HAVCR2: variants seen among roughly 807,000 people sequenced by gnomAD.
HAVCR2 encodes T cell immunoglobulin mucin 3.
In HAVCR2, 13 loss-of-function variants were observed where a neutral mutation model predicts 24.7. That is an observed-to-expected ratio of 0.53 (90% confidence interval 0.34 to 0.84). The LOEUF is 0.84. Ranked by LOEUF, HAVCR2 falls within the 40% of genes least tolerant of loss-of-function variation. HAVCR2 has a pLI of 0.01. For synonymous variants in HAVCR2, 154 were observed against 143.4 expected, an observed-to-expected ratio of 1.07 and a Z score of -0.53; for missense variants, 343 against 371.2, an observed-to-expected ratio of 0.92 and a Z score of 0.62.
At chr5:157,101,342 T>G (rs1342267590) in intron 3 of HAVCR2, among the ~76,000 whole-genome samples, 1 of 152,138 alleles carries the variant, frequency 6.6e-6, no homozygotes, top group Non-Finnish European at 1.5e-5. Flanking sequence ...GATGGGACAG[T>G]TGAAGGGAGT....
chr5:157,093,067 C>T (rs996703398), intron 5 of HAVCR2, among the ~76,000 whole-genome samples: 4 of 133,450 alleles, frequency 3.0e-5, no homozygotes, highest in African/African-American at 1.1e-4. Flanking sequence ...AAGACTCTGT[C>T]CCAATAATAA....
chr5:157,089,925 G>A lies in HAVCR2; in HGVS notation c.677-948C>T, dbSNP rs73815922. Among the ~76,000 whole-genome samples, 1,171 of 152,108 alleles carry A rather than the reference G, an allele frequency of 7.7e-3. 15 individuals carry two copies. Among genetic ancestry groups the A allele is most frequent in the African/African-American group, 0.027 (1,116 of 41,486 alleles). On this transcript the variant is annotated intron_variant, in intron 5 of 6. Coordinates refer to ENST00000307851, the MANE Select transcript of HAVCR2 (RefSeq NM_032782.5). ...TAGGAAACCTTAGATTTCCTTGAAG[G>A]GCAGAGATGTGATCCTTATTTGTTT...
chr5:157,108,657 T>A (rs1256774325), intron 1 of HAVCR2, among the ~76,000 whole-genome samples: 1 of 152,182 alleles, frequency 6.6e-6, no homozygotes, highest in Non-Finnish European at 1.5e-5. Context: ...CACACACAAA[T>A]AGAAGCCTAA....
At position 157,095,363 on chromosome 5, in the gene HAVCR2, C is replaced by T. The variant is rs1757080407; in HGVS notation, c.619G>A (p.Ala207Thr). ...ATIRIGIYIG[A>T]GICAGLALAL... is the part of the protein sequence containing the mutation. ...AGAGCCAGCCCAGCACAGATCCCTG[C>T]TCCGATGTAGATGCCTATTCTGATG... Residue 207 changes from alanine (A) to threonine (T), a missense_variant, in exon 5 of 7, where the codon GCA becomes ACA. Coordinates refer to ENST00000307851, the MANE Select transcript of HAVCR2 (RefSeq NM_032782.5). The T allele has an allele frequency of 4.3e-6, 7 of 1,614,188 alleles. No homozygotes were observed. In the East Asian group the frequency reaches 1.6e-4, roughly 36 times the overall value.
At chr5:157,089,788 G>C (rs764729074) in intron 5 of HAVCR2, among the ~76,000 whole-genome samples, 1 of 152,098 alleles carries the variant, frequency 6.6e-6, no homozygotes, top group African/African-American at 2.4e-5. Flanking sequence ...AACTGAAAAC[G>C]TGGCTGGATT....
chr5:157,095,947 C>T (rs112863799), intron 4 of HAVCR2, among the ~76,000 whole-genome samples: 2,504 of 152,222 alleles, frequency 0.016, 73 homozygotes, highest in African/African-American at 0.057. Flanking sequence ...GCTCTGAGGC[C>T]GGGCGCGGTG....
At chr5:157,098,820 A>C in intron 4 of HAVCR2, 38 bp downstream of exon 4, 2 of 1,587,038 alleles carry the variant, frequency 1.3e-6, no homozygotes, top group South Asian at 1.1e-5. Flanking sequence ...TTCCCCTCCA[A>C]GTTGAGTACA....
At chr5:157,104,304 C>T (rs1033388713) in intron 3 of HAVCR2, among the ~76,000 whole-genome samples, 1 of 152,144 alleles carries the variant, frequency 6.6e-6, no homozygotes, top group Non-Finnish European at 1.5e-5. Flanking sequence ...TGTGTCAGTT[C>T]CCAAACACAG....
chr5:157,087,031 C>A lies in HAVCR2; in HGVS notation c.*71G>T. 2 of 1,401,612 alleles carry A rather than the reference C, an allele frequency of 1.4e-6. No homozygotes were observed. The highest frequency in any genetic ancestry group is 2.0e-6 in the Non-Finnish European group (2 of 1,005,376). 86.8% of individuals were successfully genotyped at this position (1,401,612 alleles called of 1,614,324 possible). On this transcript the variant is annotated 3_prime_UTR_variant, in exon 7 of 7. Transcript: ENST00000307851. The stretch of plus-strand genomic sequence containing the variant: ...ATAGCAGTGGACAGAACCTCCAAAA[C>A]CAGTCAGGTGACACAGCTCATAGTT...
chr5:157,106,734 G>T lies in HAVCR2; in HGVS notation c.287C>A (p.Thr96Asn), dbSNP rs749196778. ...GDFRKGDVSL[T>N]IENVTLADSG... Reference sequence around the variant, plus strand: ...GTCTGCTAGAGTCACATTCTCTATGGTCAGGGACACATCTCCTTTGCGGAA... The same window carrying T: ...GTCTGCTAGAGTCACATTCTCTATGTTCAGGGACACATCTCCTTTGCGGAA... Residue 96 changes from threonine (T) to asparagine (N), a missense_variant, in exon 2 of 7, where the codon ACC becomes AAC. Thr to Asn is a moderately conservative substitution (Grantham distance 65). Transcript: ENST00000307851. 6.2e-7 allele frequency: 1 copy of T among 1,614,178 alleles called. No homozygotes were observed. The highest frequency in any genetic ancestry group is 1.7e-5 in the Admixed American group (1 of 60,028).
At chr5:157,087,354 T>C in intron 6 of HAVCR2, 60 bp from the exon 7 acceptor site, 2 of 1,432,510 alleles carry the variant, frequency 1.4e-6, no homozygotes, top group Non-Finnish European at 1.9e-6. Flanking sequence ...GGAATAGAGT[T>C]AAGAGAATAG....
At chr5:157,104,606 C>T in intron 3 of HAVCR2, 60 bp downstream of exon 3, 1 of 1,219,800 alleles carries the variant, frequency 8.2e-7, no homozygotes. Context: ...TTCCCACATT[C>T]AAAATCCTCT....
At chr5:157,108,780 T>C in intron 1 of HAVCR2, 146 bp downstream of exon 1, 1 of 577,132 alleles carries the variant, frequency 1.7e-6, no homozygotes. Context: ...ATCACATTTA[T>C]TTACCCACTC....
chr5:157,097,082 A>G (rs1439953010), intron 4 of HAVCR2, among the ~76,000 whole-genome samples: 1 of 152,110 alleles, frequency 6.6e-6, no homozygotes, highest in Non-Finnish European at 1.5e-5. Context: ...GGAGTCCTAT[A>G]TGCAAGATAT....
In HAVCR2 at chr5:157,106,910, G is replaced by A; in HGVS notation, c.111C>T (p.Pro37=). 1 of 1,614,208 alleles carries A rather than the reference G, an allele frequency of 6.2e-7. No individual in the cohort carries two copies. Among genetic ancestry groups the A allele is most frequent in the East Asian group, 2.2e-5 (1 of 44,888 alleles). ...RAEVGQNAYL[P]CFYTPAAPGN... ...CTGGGGCGGCTGGGGTGTAGAAGCA[G>A]GGCAGATAGGCATTCTGACCGACCT... The change falls in exon 2 of 7, where the codon CCC becomes CCT. Residue 37 remains proline (P), a synonymous_variant. Coordinates refer to ENST00000307851, the MANE Select transcript of HAVCR2 (RefSeq NM_032782.5).
Position 157,101,964 on chromosome 5 carries a change from TG to T in HAVCR2, c.478+2701del, listed in dbSNP as rs1216112068. On this transcript the variant is annotated intron_variant, in intron 3 of 6. Coordinates refer to ENST00000307851, the MANE Select transcript of HAVCR2 (RefSeq NM_032782.5). ...CTATTTTTTTTTTTTTTTTTTTTTTTGGGATGGAATCTCGCTCTGTTTTCCA... is the reference window on the plus strand; with the variant it reads ...CTATTTTTTTTTTTTTTTTTTTTTTTGGATGGAATCTCGCTCTGTTTTCCA... Among the ~76,000 whole-genome samples, 84 of 139,800 alleles carry T rather than the reference TG, an allele frequency of 6.0e-4. 1 individual carries two copies. The highest frequency in any genetic ancestry group is 3.6e-3 in the Middle Eastern group (1 of 276). The allele number at this position is 139,800 out of a possible 152,430, so 91.7% of individuals were successfully genotyped here. A position where few individuals can be genotyped will look rare whatever the true frequency, so the allele number is the denominator to read the frequency against.
intron 4 of HAVCR2, among the ~76,000 whole-genome samples, chr5:157,096,217 G>A (rs573136877): frequency 2.7e-5 from 3 of 112,548 alleles, no homozygotes; most frequent in African/African-American, 3.6e-5. Context: ...GCAACAGAGC[G>A]AGACTCCATC....
At chr5:157,100,812 A>G (rs1757156260) in intron 3 of HAVCR2, among the ~76,000 whole-genome samples, 1 of 152,034 alleles carries the variant, frequency 6.6e-6, no homozygotes, top group Admixed American at 6.6e-5. Flanking sequence ...TATAAAAACC[A>G]CAGGCCTGGT....
rs1581753238 is a variant in HAVCR2, at chr5:157,086,863, C to A, written c.*239G>T. The A allele has an allele frequency of 2.1e-6, 1 of 465,462 alleles. No individual in the cohort carries two copies. The highest frequency in any genetic ancestry group is 3.8e-6 in the Non-Finnish European group (1 of 265,914). The allele number at this position is 465,462 out of a possible 1,614,324, so 28.8% of individuals were successfully genotyped here. Reference sequence around the variant, plus strand: ...ATATAAAAGCCCGTTTGAGCTCTAACATCCATGATTAACAGTCTCTGGGTT... The same window carrying A: ...ATATAAAAGCCCGTTTGAGCTCTAAAATCCATGATTAACAGTCTCTGGGTT... On this transcript the variant is annotated 3_prime_UTR_variant, in exon 7 of 7. Coordinates refer to ENST00000307851, the MANE Select transcript of HAVCR2 (RefSeq NM_032782.5).
Sources: allele counts gnomAD v4.1 joint callset (sites outside exome capture counted in the v4.1 genomes callset), GRCh38; gene constraint gnomAD v4.1.1; transcripts MANE v1.5; gene names NCBI Gene and HGNC (gene_info 2026-07-23, HGNC 2026-07-21).